MLLT6: variants seen among roughly 807,000 people sequenced by gnomAD.
The protein encoded by MLLT6 is protein AF-17.
MLLT6 carries 22 observed loss-of-function variants against 103.0 expected under a neutral mutation model. The ratio of observed to expected loss-of-function variants is 0.21; its 90% CI spans 0.15 to 0.31. MLLT6 has a LOEUF of 0.31. MLLT6 is among the 10% of genes least tolerant of loss of function. MLLT6 has a pLI of 1.00. For missense variants in MLLT6, 1,199 were observed against 1,441.7 expected, an observed-to-expected ratio of 0.83 and a Z score of 2.73; for synonymous variants, 606 against 623.5, an observed-to-expected ratio of 0.97 and a Z score of 0.42.
At chr17:38,710,684 C>G (rs1212702454) in intron 6 of MLLT6, among the ~76,000 whole-genome samples, 2 of 152,038 alleles carry the variant, frequency 1.3e-5, no homozygotes, top group Non-Finnish European at 2.9e-5. Context: ...GTGCCATGAA[C>G]AAGGGGTACA....
At chr17:38,725,442 C>T in intron 19 of MLLT6, 115 bp from the exon 20 acceptor site, 1 of 939,878 alleles carries the variant, frequency 1.1e-6, no homozygotes, top group South Asian at 1.5e-5. Flanking sequence ...CAGAGGCTTC[C>T]ATTGGCCCCG....
chr17:38,717,997 C>T lies in MLLT6; in HGVS notation c.1942+44C>T, dbSNP rs1456373461. 5.1e-6 allele frequency: 7 copies of T among 1,376,168 alleles called. No individual in the cohort carries two copies. In the Admixed American group the frequency reaches 8.6e-5, roughly 17 times the overall value. The allele number at this position is 1,376,168 out of a possible 1,614,324, so 85.2% of individuals were successfully genotyped here. ...CCCTCTCCCCTTTCTTCCCAAAGGTCGGACACCCATCACCTGCATGTGACC... is the reference window on the plus strand; with the variant it reads ...CCCTCTCCCCTTTCTTCCCAAAGGTTGGACACCCATCACCTGCATGTGACC... On this transcript the variant is annotated intron_variant, in intron 12 of 19. Transcript: ENST00000621332.
intron 18 of MLLT6, among the ~76,000 whole-genome samples, chr17:38,723,402 GA>G (rs1403245180): frequency 6.6e-6 from 1 of 152,160 alleles, no homozygotes; most frequent in African/African-American, 2.4e-5. Context: ...TGAGGCAGGA[GA>G]ATCGCTTGAA....
At chr17:38,725,516 G>A in intron 19 of MLLT6, 41 bp from the exon 20 acceptor site, 1 of 1,592,740 alleles carries the variant, frequency 6.3e-7, no homozygotes, top group Non-Finnish European at 8.6e-7. Flanking sequence ...GTTAGGACCT[G>A]ACACTTTCCA....
chr17:38,706,982 C>T lies in MLLT6; in HGVS notation c.142C>T (p.Pro48Ser). The T allele has an allele frequency of 1.9e-6, 3 of 1,612,366 alleles. No individual in the cohort carries two copies. Among genetic ancestry groups the T allele is most frequent in the Non-Finnish European group, 2.5e-6 (3 of 1,178,620 alleles). ...CYGIVQVPTG[P>S]WFCRKCESQE... ...TGGCATCGTTCAGGTGCCAACGGGA[C>T]CCTGGTTCTGCCGGAAATGTGAATC... The change falls in exon 2 of 20, where the codon CCC becomes TCC. Residue 48 changes from proline (P) to serine (S), a missense_variant. By Grantham distance (74) the Pro-to-Ser change is moderately conservative. Around this residue, in one of 7 missense-constraint regions of MLLT6, gnomAD observed 26 missense variants for 44.5 expected, o/e 0.58. Coordinates refer to ENST00000621332, the MANE Select transcript of MLLT6 (RefSeq NM_005937.4).
Position 38,720,445 on chromosome 17 carries a change from G to C in MLLT6, c.2229G>C (p.Leu743=), listed in dbSNP as rs375402379. The change falls in exon 15 of 20, where the codon CTG becomes CTC. Residue 743 remains leucine (L), a synonymous_variant. Coordinates refer to ENST00000621332, the MANE Select transcript of MLLT6 (RefSeq NM_005937.4). The part of the protein sequence containing the change: ...NQRLQEQILS[L]TAKKERLQIL... ...GGCTGCAAGAGCAGATCCTGAGCCT[G>C]ACGGCCAAAAAGGAGCGGCTGCAGA... is the stretch of plus-strand genomic sequence containing the variant. 2.2e-5 allele frequency: 36 copies of C among 1,612,840 alleles called. No homozygotes were observed. The highest frequency in any genetic ancestry group is 3.0e-5 in the Non-Finnish European group (35 of 1,180,006).
In MLLT6 at chr17:38,727,669, C is replaced by T. The variant is rs1313546333; in HGVS notation, c.*2071C>T. On this transcript the variant is annotated 3_prime_UTR_variant, in exon 20 of 20. Transcript: ENST00000621332. ...AATTAGCCGGGCATGGTGGCACGTGCCTGTAATCCCAGCTACTTGGGAGGC... is the reference window on the plus strand; with the variant it reads ...AATTAGCCGGGCATGGTGGCACGTGTCTGTAATCCCAGCTACTTGGGAGGC... The T allele has an allele frequency of 5.1e-6, 1 of 194,650 alleles. No individual in the cohort carries two copies. Among genetic ancestry groups the T allele is most frequent in the East Asian group, 8.1e-5 (1 of 12,312 alleles). 12.1% of individuals were successfully genotyped at this position (194,650 alleles called of 1,614,324 possible). A position where few individuals can be genotyped will look rare whatever the true frequency, so the allele number is the denominator to read the frequency against.
intron 11 of MLLT6, 77 bp from the exon 12 acceptor site, chr17:38,717,767 GC>G: frequency 5.0e-6 from 7 of 1,399,962 alleles, no homozygotes; most frequent in South Asian, 1.2e-5. Context: ...AGCACACCCG[GC>G]CCCCTGCACC....
rs944603427 is a variant in MLLT6, at chr17:38,729,512, C to G, written c.*3914C>G. On this transcript the variant is annotated 3_prime_UTR_variant, in exon 20 of 20. Coordinates refer to ENST00000621332, the MANE Select transcript of MLLT6 (RefSeq NM_005937.4). ...CTGGAGACCTCACCCCTGCTCCCGT[C>G]CCGCCCCCTTTCTATCCCAACCTGT... 1 of 233,416 alleles carries G rather than the reference C, an allele frequency of 4.3e-6. No homozygotes were observed. Among genetic ancestry groups the G allele is most frequent in the East Asian group, 6.0e-5 (1 of 16,580 alleles). 14.5% of individuals were successfully genotyped at this position (233,416 alleles called of 1,614,324 possible). A position where few individuals can be genotyped will look rare whatever the true frequency, so the allele number is the denominator to read the frequency against.
In MLLT6 at chr17:38,715,600, C is replaced by G; in HGVS notation, c.820-12C>G. 1 of 1,605,144 alleles carries G rather than the reference C, an allele frequency of 6.2e-7. No individual in the cohort carries two copies. The highest frequency in any genetic ancestry group is 8.5e-7 in the Non-Finnish European group (1 of 1,176,002). ...CACCTGGTGTTGAACCTTCCTCTCT[C>G]CTCTCCTTCAGGTCTCCTCCTCGGC... On this transcript the variant is annotated splice_polypyrimidine_tract_variant and intron_variant, in intron 8 of 19. Coordinates refer to ENST00000621332, the MANE Select transcript of MLLT6 (RefSeq NM_005937.4).
chr17:38,725,174 G>T, intron 19 of MLLT6, 198 bp downstream of exon 19: 1 of 555,030 alleles, frequency 1.8e-6, no homozygotes, highest in South Asian at 2.5e-5. Context: ...TCCGATCTGA[G>T]CATGGGCTCA....
Position 38,719,823 on chromosome 17 carries a change from C to G in MLLT6, c.2083C>G (p.Pro695Ala), listed in dbSNP as rs780767402. The change falls in exon 14 of 20, where the codon CCG (proline) becomes GCG (alanine). Residue 695 changes from proline to alanine, a missense_variant. By Grantham distance (27) the Pro-to-Ala change is conservative (BLOSUM62 -1). This residue lies in a region of MLLT6 where 1,034 missense variants were observed against 1,091.5 expected (regional missense o/e 0.95). Coordinates refer to ENST00000621332, the MANE Select transcript of MLLT6 (RefSeq NM_005937.4). ...ACCCTGTGGGGGCGGCCAGTTAGACCCGGCGGCCCCAGGGACGACTAACAT... is the reference window on the plus strand; with the variant it reads ...ACCCTGTGGGGGCGGCCAGTTAGACGCGGCGGCCCCAGGGACGACTAACAT... ...SAPCGGGQLDPAAPGTTNMEQ... is the reference protein window; with the variant it reads ...SAPCGGGQLDAAAPGTTNMEQ... The G allele has an allele frequency of 6.2e-7, 1 of 1,613,092 alleles. No homozygotes were observed. The highest frequency in any genetic ancestry group is 8.5e-7 in the Non-Finnish European group (1 of 1,179,766).
At chr17:38,719,672 C>T in intron 13 of MLLT6, 78 bp from the exon 14 acceptor site, 1 of 1,572,146 alleles carries the variant, frequency 6.4e-7, no homozygotes. Context: ...GGGCTGGAAC[C>T]CCTGGGGGAT....
chr17:38,711,768 A>G, intron 6 of MLLT6, 79 bp from the exon 7 acceptor site: 1 of 1,441,582 alleles, frequency 6.9e-7, no homozygotes, highest in African/African-American at 1.4e-5. Context: ...CCCCAGGATC[A>G]GGATCCTCTA....
At position 38,705,419 on chromosome 17, in the gene MLLT6, G is replaced by T; in HGVS notation, c.-214G>T. 2.6e-6 allele frequency: 1 copy of T among 385,058 alleles called. No individual in the cohort carries two copies. Among genetic ancestry groups the T allele is most frequent in the Non-Finnish European group, 4.8e-6 (1 of 209,984 alleles). The allele number at this position is 385,058 out of a possible 1,614,324, so 23.9% of individuals were successfully genotyped here. On this transcript the variant is annotated 5_prime_UTR_variant, in exon 1 of 20. Transcript: ENST00000621332. ...CGTCGGGGCATGAGGGCGAGAGCAC[G>T]GCGGGGGGGGCGGCCAGACAGAGCG...
rs747629165 is a variant in MLLT6, at chr17:38,715,681, G to A, written c.889G>A (p.Glu297Lys). The A allele has an allele frequency of 1.4e-5, 23 of 1,614,038 alleles. No individual in the cohort carries two copies. Among genetic ancestry groups the A allele is most frequent in the African/African-American group, 2.7e-5 (2 of 74,910 alleles). Residue 297 changes from glutamate to lysine, a missense_variant, in exon 9 of 20, where the codon GAG becomes AAG. By Grantham distance (56) the Glu-to-Lys change is moderately conservative (BLOSUM62 1). This residue lies in a region of MLLT6 where 1,034 missense variants were observed against 1,091.5 expected (regional missense o/e 0.95). Transcript: ENST00000621332. Reference protein sequence around the residue: ...STQETSESSRESKGKKSSSHS... With the variant: ...STQETSESSRKSKGKKSSSHS... ...GCAGGAGACCTCTGAGAGCAGCAGGGAGTCAAAGGGGAAAAAGTCTTCCAG... is the reference window on the plus strand; with the variant it reads ...GCAGGAGACCTCTGAGAGCAGCAGGAAGTCAAAGGGGAAAAAGTCTTCCAG...
In MLLT6 at chr17:38,729,053, A is replaced by C. The variant is rs191031747; in HGVS notation, c.*3455A>C. The C allele has an allele frequency of 8.6e-6, 2 of 233,410 alleles. No individual in the cohort carries two copies. The highest frequency in any genetic ancestry group is 4.4e-5 in the African/African-American group (2 of 45,410). 14.5% of individuals were successfully genotyped at this position (233,410 alleles called of 1,614,324 possible). A position where few individuals can be genotyped will look rare whatever the true frequency, so the allele number is the denominator to read the frequency against. On this transcript the variant is annotated 3_prime_UTR_variant, in exon 20 of 20. Transcript: ENST00000621332. ...AGGGAGGTGCTCACCCCAGACTCTT[A>C]GGAAGGGTCTAGAGAAATGAGAGGA... is the stretch of plus-strand genomic sequence containing the variant.
intron 4 of MLLT6, chr17:38,708,161 G>A (rs1419805423): frequency 2.4e-5 from 11 of 455,930 alleles, no homozygotes; most frequent in Non-Finnish European, 1.2e-5. Context: ...CCTACTATGT[G>A]CCAGACCTGG....
At position 38,709,435 on chromosome 17, in the gene MLLT6, C is replaced by G. The variant is rs1372933708; in HGVS notation, c.459-47C>G. ...CCAGGAGGGTGAGAGGAAGGTGGCT[C>G]ATGTGATCTGTGGCCTCAGCCGTCT... On this transcript the variant is annotated intron_variant, in intron 5 of 19. Coordinates refer to ENST00000621332, the MANE Select transcript of MLLT6 (RefSeq NM_005937.4). This position sits in a 1 kb window ranked among gnomAD's most constrained non-coding sequence, Gnocchi z 4.3. The G allele has an allele frequency of 6.5e-7, 1 of 1,541,996 alleles. No homozygotes were observed. Among genetic ancestry groups the G allele is most frequent in the African/African-American group, 1.4e-5 (1 of 73,410 alleles).
Sources: allele counts gnomAD v4.1 joint callset (sites outside exome capture counted in the v4.1 genomes callset), GRCh38; gene constraint gnomAD v4.1.1; regional missense constraint gnomAD v4.1.1; non-coding constraint Gnocchi (gnomAD v3.1); transcripts MANE v1.5; gene names NCBI Gene and HGNC (gene_info 2026-07-23, HGNC 2026-07-21).